Variants in LRFN2 observed in about 807,000 individuals in gnomAD.
LRFN2 encodes leucine rich repeat and fibronectin type III domain containing 2.
A neutral mutation model predicts 37.3 loss-of-function variants in LRFN2; 18 were observed. That is an observed-to-expected ratio of 0.48 (90% CI 0.33 to 0.72). The LOEUF (loss-of-function observed/expected upper bound fraction) is 0.72. Among genes scored for constraint, LRFN2 ranks in the 30% least tolerant of loss-of-function variants. The probability of loss-of-function intolerance (pLI) is 0.02; values close to 1 mark genes in which losing one functional copy is unlikely to be tolerated. For missense variants in LRFN2, 1,006 were observed against 1,060.7 expected, an observed-to-expected ratio of 0.95 and a Z score of 0.72; for synonymous variants, 556 against 466.6, an observed-to-expected ratio of 1.19 and a Z score of -2.47.
intron 1 of LRFN2, among the ~76,000 whole-genome samples, chr6:40,548,145 A>T (rs972281112): frequency 1.3e-5 from 2 of 152,200 alleles, no homozygotes; most frequent in Non-Finnish European, 2.9e-5. Flanking sequence ...AACTAGGGAT[A>T]AAAATAGTAC....
At chr6:40,488,335 C>G (rs1765012791) in intron 1 of LRFN2, among the ~76,000 whole-genome samples, 1 of 151,954 alleles carries the variant, frequency 6.6e-6, no homozygotes, top group African/African-American at 2.4e-5. Context: ...GGCCACCTGC[C>G]TGGCCCCCCA....
intron 1 of LRFN2, among the ~76,000 whole-genome samples, chr6:40,497,216 C>T (rs1765249243): frequency 1.3e-5 from 2 of 152,190 alleles, no homozygotes; most frequent in South Asian, 4.1e-4. Context: ...GCCTCAGCTT[C>T]AGAGCCCCTC....
chr6:40,418,827 T>C (rs1176656149), intron 2 of LRFN2, among the ~76,000 whole-genome samples: 1 of 152,212 alleles, frequency 6.6e-6, no homozygotes, highest in East Asian at 1.9e-4. Context: ...GAACAGTACC[T>C]GGAGTGCAGT....
At chr6:40,510,153 A>G (rs1214661953) in intron 1 of LRFN2, among the ~76,000 whole-genome samples, 11 of 136,168 alleles carry the variant, frequency 8.1e-5, no homozygotes, top group African/African-American at 2.5e-4. Context: ...ACTGTGCTGC[A>G]CAGGTAGGAG....
chr6:40,517,442 G>C (rs370615485), intron 1 of LRFN2: 1 of 152,114 alleles, frequency 6.6e-6, no homozygotes, highest in East Asian at 1.9e-4. Flanking sequence ...AGACTTTTCA[G>C]ACAAAAATCA....
chr6:40,544,179 C>T (rs990370985), intron 1 of LRFN2, among the ~76,000 whole-genome samples: 1 of 152,182 alleles, frequency 6.6e-6, no homozygotes, highest in African/African-American at 2.4e-5. Flanking sequence ...GCGAGCGCAC[C>T]AGGCCTGGCT....
chr6:40,568,929 A>C (rs946072748), intron 1 of LRFN2, among the ~76,000 whole-genome samples: 1 of 152,142 alleles, frequency 6.6e-6, no homozygotes, highest in Admixed American at 6.5e-5. Context: ...CTAACGGATA[A>C]AGAAACTAAG....
intron 2 of LRFN2, among the ~76,000 whole-genome samples, chr6:40,414,667 C>T (rs554229393): frequency 1.3e-4 from 20 of 152,282 alleles, no homozygotes; most frequent in Admixed American, 4.6e-4. Context: ...CATATAAAAT[C>T]GGACACGCAA....
intron 1 of LRFN2, among the ~76,000 whole-genome samples, chr6:40,527,608 CATT>C (rs2113906979): frequency 6.6e-6 from 1 of 152,246 alleles, no homozygotes; most frequent in South Asian, 2.1e-4. Flanking sequence ...GATTTTAAAT[CATT>C]GAGAAAGAGA....
intron 1 of LRFN2, among the ~76,000 whole-genome samples, chr6:40,511,921 G>A (rs114211340): frequency 0.022 from 3,325 of 152,310 alleles, 98 homozygotes; most frequent in African/African-American, 0.076. Flanking sequence ...GGATGCTCAG[G>A]TGGAAACAGA....
At chr6:40,475,920 C>A (rs1764700900) in intron 1 of LRFN2, among the ~76,000 whole-genome samples, 5 of 152,194 alleles carry the variant, frequency 3.3e-5, no homozygotes, top group Admixed American at 3.3e-4. Flanking sequence ...GATTTAGAAT[C>A]CCACCCAAGT....
At position 40,433,138 on chromosome 6, in the gene LRFN2, G is replaced by A. The variant is rs28385630; in HGVS notation, c.-18-7C>T. ...TGGTCTGGTCACTCAGCGCCTGGAA[G>A]GGAGAAACACAAGCTCAGGGTCAGG... On this transcript the variant is annotated splice_region_variant and splice_polypyrimidine_tract_variant and intron_variant, in intron 1 of 2. Transcript: ENST00000338305. 0.083 allele frequency: 126,177 copies of A among 1,513,402 alleles called. 6,260 individuals are homozygous for A. Among genetic ancestry groups the A allele is most frequent in the Admixed American group, 0.22 (9,773 of 43,630 alleles). 93.7% of individuals were successfully genotyped at this position (1,513,402 alleles called of 1,614,324 possible).
At chr6:40,580,380 C>T (rs1033004522) in intron 1 of LRFN2, among the ~76,000 whole-genome samples, 1 of 152,122 alleles carries the variant, frequency 6.6e-6, no homozygotes, top group Non-Finnish European at 1.5e-5. Context: ...AGGATCTGGT[C>T]ACCCTTTGTC....
intron 1 of LRFN2, among the ~76,000 whole-genome samples, chr6:40,495,109 G>A (rs1765195282): frequency 6.6e-6 from 1 of 152,156 alleles, no homozygotes; most frequent in South Asian, 2.1e-4. Context: ...ACCTTTCCAG[G>A]TAGTGTTCCT....
chr6:40,436,135 T>A (rs1763667981), intron 1 of LRFN2, among the ~76,000 whole-genome samples: 1 of 152,256 alleles, frequency 6.6e-6, no homozygotes, highest in Non-Finnish European at 1.5e-5. Flanking sequence ...CTCAATATAA[T>A]TATTAATGAG....
At chr6:40,505,196 T>C (rs959795071) in intron 1 of LRFN2, among the ~76,000 whole-genome samples, 3 of 152,106 alleles carry the variant, frequency 2.0e-5, no homozygotes, top group African/African-American at 7.2e-5. Context: ...CGGGATTCTG[T>C]GGGGGCGGGG....
Position 40,392,951 on chromosome 6 carries a change from G to T in LRFN2, c.1401-39C>A. On this transcript the variant is annotated intron_variant, in intron 2 of 2. Transcript: ENST00000338305. The surrounding 1 kb of genome is among the most constrained non-coding windows in gnomAD (Gnocchi z 4.7). The stretch of plus-strand genomic sequence containing the variant: ...TGGACAGAAATAGTGAGGGGTGGTG[G>T]GGTGGAAGGACAGGGTGATGGGGAG... 6.4e-7 allele frequency: 1 copy of T among 1,571,624 alleles called. No individual in the cohort carries two copies.
At chr6:40,542,852 G>A (rs974232388) in intron 1 of LRFN2, among the ~76,000 whole-genome samples, 1 of 152,148 alleles carries the variant, frequency 6.6e-6, no homozygotes, top group African/African-American at 2.4e-5. Flanking sequence ...CTAGGTCTCT[G>A]CAGATGCAGC....
At chr6:40,445,225 C>T (rs138968823) in intron 1 of LRFN2, among the ~76,000 whole-genome samples, 75 of 152,288 alleles carry the variant, frequency 4.9e-4, no homozygotes, top group African/African-American at 1.5e-3. Context: ...GTGTTTTACA[C>T]GTTATTTCAT....
Sources: allele counts gnomAD v4.1 joint callset (sites outside exome capture counted in the v4.1 genomes callset), GRCh38; gene constraint gnomAD v4.1.1; non-coding constraint Gnocchi (gnomAD v3.1); transcripts MANE v1.5; gene names NCBI Gene and HGNC (gene_info 2026-07-23, HGNC 2026-07-21).